The following BCAS1 variants were observed in gnomAD, a reference collection of about 807,000 sequenced individuals.
The protein encoded by BCAS1 is brain enriched myelin associated protein 1.
Under a neutral mutation model 65.4 loss-of-function variants are expected in BCAS1, and 46 were observed. That is an observed-to-expected ratio of 0.70 (90% CI 0.55 to 0.90). The LOEUF is 0.90. Among genes scored for constraint, BCAS1 ranks in the 40% least tolerant of loss-of-function variants. BCAS1 has a pLI of 0.00. For synonymous variants in BCAS1, 298 were observed against 293.5 expected (o/e 1.02, Z -0.16); for missense variants, 793 against 771.2 (o/e 1.03, Z -0.33).
Position 54,041,162 on chromosome 20 carries a change from C to T in BCAS1, c.143-12190G>A. Reference sequence around the variant, plus strand: ...GAGGCAGAAAACAGATTAGTGGTTGCCAGTGGCTGGGAATAGGGAAAAAAC... The same window carrying T: ...GAGGCAGAAAACAGATTAGTGGTTGTCAGTGGCTGGGAATAGGGAAAAAAC... On this transcript the variant is annotated intron_variant, in intron 3 of 12. Transcript: ENST00000688948. Among the ~76,000 whole-genome samples the T allele has an allele frequency of 1.3e-5, 2 of 151,110 alleles. 1 individual carries two copies. Among genetic ancestry groups the T allele is most frequent in the African/African-American group, 4.8e-5 (2 of 41,292 alleles).
intron 3 of BCAS1, among the ~76,000 whole-genome samples, chr20:54,029,597 C>A (rs927793177): frequency 4.6e-5 from 7 of 152,236 alleles, no homozygotes; most frequent in African/African-American, 1.7e-4. Flanking sequence ...ATCTAATTTT[C>A]TGTGCCTCAA....
At chr20:53,994,158 G>T (rs1341355684) in intron 6 of BCAS1, among the ~76,000 whole-genome samples, 1 of 152,148 alleles carries the variant, frequency 6.6e-6, no homozygotes. Context: ...GCAGATGTAG[G>T]GGGCAAACCA....
intron 1 of BCAS1, among the ~76,000 whole-genome samples, chr20:54,064,968 G>A (rs1350265465): frequency 6.6e-6 from 1 of 152,108 alleles, no homozygotes; most frequent in East Asian, 1.9e-4. Flanking sequence ...CTGATACATC[G>A]TGGTACCGTG....
At chr20:54,029,999 C>G (rs987059703) in intron 3 of BCAS1, among the ~76,000 whole-genome samples, 1 of 152,122 alleles carries the variant, frequency 6.6e-6, no homozygotes, top group African/African-American at 2.4e-5. Context: ...GCAAATTAGA[C>G]CTCAGGCCAG....
intron 3 of BCAS1, among the ~76,000 whole-genome samples, chr20:54,037,022 C>T (rs2091910736): frequency 6.7e-6 from 1 of 150,258 alleles, no homozygotes; most frequent in African/African-American, 2.4e-5. Context: ...GTTTGTATTA[C>T]AATATTCAAA....
At chr20:54,042,345 A>G (rs532925766) in intron 3 of BCAS1, among the ~76,000 whole-genome samples, 49 of 152,274 alleles carry the variant, frequency 3.2e-4, no homozygotes, top group African/African-American at 1.1e-3. Context: ...CCCCCATGAC[A>G]TGAGTTTACC....
chr20:53,967,034 C>T lies in BCAS1; in HGVS notation c.1357G>A (p.Glu453Lys). The change falls in exon 10 of 13, where the codon GAA (glutamate) becomes AAA (lysine). Residue 453 changes from glutamate (E) to lysine (K), a missense_variant. Transcript: ENST00000688948. The stretch of plus-strand genomic sequence containing the variant: ...ACTGTTTGTAAGGCTGATTCTACTT[C>T]CTTGGACTTTATAATCTCTACTGGT... Reference protein sequence around the residue: ...ESPVEIIKSKEVESALQTVDL... With the variant: ...ESPVEIIKSKKVESALQTVDL... The T allele has an allele frequency of 6.2e-7, 1 of 1,612,578 alleles. No individual in the cohort carries two copies. Among genetic ancestry groups the T allele is most frequent in the Non-Finnish European group, 8.5e-7 (1 of 1,179,350 alleles).
Position 54,028,683 on chromosome 20 carries a change from A to G in BCAS1, c.432T>C (p.Ala144=). 6.2e-7 allele frequency: 1 copy of G among 1,614,140 alleles called. No homozygotes were observed. The highest frequency in any genetic ancestry group is 8.5e-7 in the Non-Finnish European group (1 of 1,180,036). ...TTTTATCTGTGTCCTGCCCCGGTCC[A>G]GCTGCCACCGGAAGTGTCCAGCTCT... is the stretch of plus-strand genomic sequence containing the variant. ...PSESWTLPVA[A]GPGQDTDKTP... is the part of the protein sequence containing the mutation. Residue 144 remains alanine, a synonymous_variant, in exon 4 of 13, where the codon GCT becomes GCC. Transcript: ENST00000688948.
Position 53,988,007 on chromosome 20 carries a change from C to T in BCAS1, c.1063-2508G>A, listed in dbSNP as rs548222227. Among the ~76,000 whole-genome samples the T allele has an allele frequency of 1.2e-4, 19 of 152,214 alleles. No individual in the cohort carries two copies. In the South Asian group the frequency reaches 1.7e-3, roughly 13 times the overall value. ...AGTGGTCCATTTTAGACCAAGAATC[C>T]AGGGGTTGGGGCTGACCTCATCCCC... is the stretch of plus-strand genomic sequence containing the variant. On this transcript the variant is annotated intron_variant, in intron 7 of 12. Coordinates refer to ENST00000688948, the MANE Select transcript of BCAS1 (RefSeq NM_001366298.2).
chr20:54,053,844 G>A (rs535777447), intron 3 of BCAS1, among the ~76,000 whole-genome samples: 2 of 152,326 alleles, frequency 1.3e-5, no homozygotes, highest in African/African-American at 4.8e-5. Flanking sequence ...GCTTAGCCAT[G>A]GTACCATTGC....
Position 53,985,506 on chromosome 20 carries a change from A to T in BCAS1, c.1063-7T>A. 1 of 1,610,982 alleles carries T rather than the reference A, an allele frequency of 6.2e-7. No individual in the cohort carries two copies. The highest frequency in any genetic ancestry group is 1.3e-5 in the African/African-American group (1 of 74,814). ...TGGGTGACTTTTCAGCACCCTAAAG[A>T]GTTAAAAAAAATGGAGGGAAAACAT... On this transcript the variant is annotated splice_region_variant and splice_polypyrimidine_tract_variant and intron_variant, in intron 7 of 12. Transcript: ENST00000688948.
chr20:53,967,567 A>T (rs1285581584), intron 9 of BCAS1, among the ~76,000 whole-genome samples: 3 of 152,228 alleles, frequency 2.0e-5, no homozygotes, highest in Non-Finnish European at 2.9e-5. Context: ...AAAACCACTG[A>T]ATTTAATTGA....
intron 8 of BCAS1, among the ~76,000 whole-genome samples, chr20:53,976,410 G>A (rs1381001586): frequency 6.6e-6 from 1 of 151,686 alleles, no homozygotes; most frequent in Non-Finnish European, 1.5e-5. Context: ...TATCCATTTT[G>A]TTACTAAGTC....
At chr20:54,050,459 G>A (rs1312041489) in intron 3 of BCAS1, among the ~76,000 whole-genome samples, 1 of 152,212 alleles carries the variant, frequency 6.6e-6, no homozygotes. Context: ...CCTAGTGTAT[G>A]CACTCTCAGT....
chr20:53,944,352 A>G lies in BCAS1; in HGVS notation c.*570T>C, dbSNP rs1482763934. On this transcript the variant is annotated 3_prime_UTR_variant, in exon 13 of 13. Coordinates refer to ENST00000688948, the MANE Select transcript of BCAS1 (RefSeq NM_001366298.2). ...TTGATAGAATCTTGCTCTGTCGCCC[A>G]GGGTGGAGTGCAATGGTGCAACTTC... The G allele has an allele frequency of 6.6e-6, 1 of 151,386 alleles. No homozygotes were observed. The highest frequency in any genetic ancestry group is 1.5e-5 in the Non-Finnish European group (1 of 68,058). The allele number at this position is 151,386 out of a possible 1,614,324, so 9.4% of individuals were successfully genotyped here. A position where few individuals can be genotyped will look rare whatever the true frequency, so the allele number is the denominator to read the frequency against.
intron 9 of BCAS1, 76 bp from the exon 10 acceptor site, chr20:53,967,149 C>CT (rs1477885810): frequency 4.1e-6 from 6 of 1,478,416 alleles, no homozygotes; most frequent in Non-Finnish European, 5.6e-6. Flanking sequence ...AAGTGGGGTC[C>CT]TTGTTGCCCC....
intron 12 of BCAS1, among the ~76,000 whole-genome samples, chr20:53,952,992 GCATT>G (rs146555244): frequency 6.6e-6 from 1 of 151,868 alleles, no homozygotes. Flanking sequence ...AGCCAATAAT[GCATT>G]CATTCATTCA....
intron 3 of BCAS1, among the ~76,000 whole-genome samples, chr20:54,035,473 T>C (rs1479598054): frequency 2.0e-5 from 3 of 146,614 alleles, no homozygotes; most frequent in Non-Finnish European, 4.5e-5. Context: ...ATATTACTAA[T>C]CATCAGAGAA....
In BCAS1 at chr20:53,979,321, G is replaced by T. The variant is rs1046878361; in HGVS notation, c.1276-3891C>A. Among the ~76,000 whole-genome samples the T allele has an allele frequency of 1.3e-4, 20 of 152,316 alleles. No homozygotes were observed. The East Asian group carries it at 3.1e-3, about 23-fold the overall frequency. Reference sequence around the variant, plus strand: ...CAACCTCCAGGGCTTGTGGGAAATAGTGGTTCTGGGTAGGGTGCTGGTGGC... The same window carrying T: ...CAACCTCCAGGGCTTGTGGGAAATATTGGTTCTGGGTAGGGTGCTGGTGGC... On this transcript the variant is annotated intron_variant, in intron 8 of 12. Transcript: ENST00000688948.
Sources: allele counts gnomAD v4.1 joint callset (sites outside exome capture counted in the v4.1 genomes callset), GRCh38; gene constraint gnomAD v4.1.1; transcripts MANE v1.5; gene names NCBI Gene and HGNC (gene_info 2026-07-23, HGNC 2026-07-21).